RAPH1: variants seen among roughly 807,000 people sequenced by gnomAD.
The protein encoded by RAPH1 is Ras association (RalGDS/AF-6) and pleckstrin homology domains 1.
A neutral mutation model predicts 88.1 loss-of-function variants in RAPH1; 18 were observed. The observed-to-expected ratio is 0.20, with a 90% CI of 0.14 to 0.30. The LOEUF (loss-of-function observed/expected upper bound fraction) is 0.30. Among genes scored for constraint, RAPH1 ranks in the 10% least tolerant of loss-of-function variants. The probability of loss-of-function intolerance (pLI) is 1.00; values close to 1 mark genes in which losing one functional copy is unlikely to be tolerated. For synonymous variants in RAPH1, 587 were observed against 559.0 expected, an observed-to-expected ratio of 1.05 and a Z score of -0.71; for missense variants, 1,448 against 1,543.2, an observed-to-expected ratio of 0.94 and a Z score of 1.03.
chr2:203,484,894 C>T (rs529038891), intron 4 of RAPH1, among the ~76,000 whole-genome samples: 2 of 152,334 alleles, frequency 1.3e-5, no homozygotes, highest in South Asian at 2.1e-4. Context: ...TAAAAAGAGA[C>T]ATGCCATCTT....
intron 5 of RAPH1, 60 bp downstream of exon 5, chr2:203,461,788 C>G: frequency 7.8e-7 from 1 of 1,278,976 alleles, no homozygotes; most frequent in South Asian, 1.4e-5. Context: ...CAAGGCAATT[C>G]TTCACAAATC....
intron 1 of RAPH1, among the ~76,000 whole-genome samples, chr2:203,502,322 T>A (rs1639755267): frequency 6.6e-6 from 1 of 152,174 alleles, no homozygotes; most frequent in Admixed American, 6.5e-5. Context: ...GAAAGATGAT[T>A]TACACCCTTA....
rs193104498 is a variant in RAPH1, at chr2:203,499,739, T to G, written c.1-4386A>C. Among the ~76,000 whole-genome samples the G allele has an allele frequency of 2.8e-3, 429 of 152,160 alleles. 1 individual carries two copies. The highest frequency in any genetic ancestry group is 9.6e-3 in the African/African-American group (397 of 41,532). ...GAAAAAAAAAACTTAAGAAACTTAC[T>G]CAGAGACTTTCCAAAAAAAACTTAG... On this transcript the variant is annotated intron_variant, in intron 1 of 13. Coordinates refer to ENST00000319170, the MANE Select transcript of RAPH1 (RefSeq NM_213589.3).
rs778931952 is a variant in RAPH1, at chr2:203,455,597, A to AT, written c.1159-18dup. The AT allele has an allele frequency of 1.2e-6, 2 of 1,609,848 alleles. No individual in the cohort carries two copies. Among genetic ancestry groups the AT allele is most frequent in the Non-Finnish European group, 1.7e-6 (2 of 1,177,630 alleles). On this transcript the variant is annotated splice_polypyrimidine_tract_variant and intron_variant, in intron 8 of 13. Transcript: ENST00000319170. ...AAAACATTCCTAAAATAACAAGATT[A>AT]TTTGCAAAGACTTATGATCGTTGGA...
At position 203,444,478 on chromosome 2, in the gene RAPH1, A is replaced by T. The variant is rs562070835; in HGVS notation, c.1776+390T>A. The T allele has an allele frequency of 2.9e-3, 580 of 196,738 alleles. 3 individuals are homozygous for T. The highest frequency in any genetic ancestry group is 4.1e-3 in the Non-Finnish European group (406 of 98,796). 12.2% of individuals were successfully genotyped at this position (196,738 alleles called of 1,614,324 possible). A position where few individuals can be genotyped will look rare whatever the true frequency, so the allele number is the denominator to read the frequency against. ...AGAAGAAAAAAAGACAGGAAAGAAG[A>T]GAGAGAACTGTAAACAGCTTCTCTA... is the stretch of plus-strand genomic sequence containing the variant. On this transcript the variant is annotated intron_variant, in intron 13 of 13. Transcript: ENST00000319170.
Position 203,444,960 on chromosome 2 carries a change from G to A in RAPH1, c.1684C>T (p.Gln562Ter), listed in dbSNP as rs1216827165. 1 of 1,614,116 alleles carries A rather than the reference G, an allele frequency of 6.2e-7. No individual in the cohort carries two copies. Among genetic ancestry groups the A allele is most frequent in the Non-Finnish European group, 8.5e-7 (1 of 1,179,972 alleles). Reference sequence around the variant, plus strand: ...TGGGAACGGACGTGTCCTGCTGGCTGGGTGTCAGAAACTCCGCTATCAGAC... The same window carrying A: ...TGGGAACGGACGTGTCCTGCTGGCTAGGTGTCAGAAACTCCGCTATCAGAC... ...NQSDSGVSDT[Q>*]PAGHVRSQSI... The change falls in exon 13 of 14, where the codon CAG becomes TAG. Residue 562 changes from glutamine (Q) to a stop codon, truncating the protein, a stop_gained. Transcript: ENST00000319170. LOFTEE classifies it high-confidence loss of function.
Position 203,434,786 on chromosome 2 carries a change from T to G in RAPH1, c.*4651A>C, listed in dbSNP as rs376158317. 15 of 152,604 alleles carry G rather than the reference T, an allele frequency of 9.8e-5. No homozygotes were observed. In the East Asian group the frequency reaches 2.7e-3, roughly 28 times the overall value. 9.5% of individuals were successfully genotyped at this position (152,604 alleles called of 1,614,324 possible). The stretch of plus-strand genomic sequence containing the variant: ...ATGATAAACATAATTAATTCTCAAC[T>G]TAACCATCTATAAAATATGTAGTGT... On this transcript the variant is annotated 3_prime_UTR_variant, in exon 14 of 14. Coordinates refer to ENST00000319170, the MANE Select transcript of RAPH1 (RefSeq NM_213589.3).
At chr2:203,467,486 C>T (rs1042508534) in intron 4 of RAPH1, among the ~76,000 whole-genome samples, 4 of 151,828 alleles carry the variant, frequency 2.6e-5, no homozygotes, top group African/African-American at 4.8e-5. Flanking sequence ...GTAATCCCAG[C>T]TACTCAGGAG....
chr2:203,506,675 T>C (rs1354368639), intron 1 of RAPH1, among the ~76,000 whole-genome samples: 2 of 148,020 alleles, frequency 1.4e-5, no homozygotes, highest in African/African-American at 5.0e-5. Context: ...AAAAGTTAAA[T>C]ACTGAAATAA....
rs1214690486 is a variant in RAPH1 at position 203,436,531 on chromosome 2, C to G, written c.*2906G>C. 6.6e-6 allele frequency: 1 copy of G among 152,202 alleles called. No individual in the cohort carries two copies. The highest frequency in any genetic ancestry group is 2.4e-5 in the African/African-American group (1 of 41,456). 9.4% of individuals were successfully genotyped at this position (152,202 alleles called of 1,614,324 possible). On this transcript the variant is annotated 3_prime_UTR_variant, in exon 14 of 14. Transcript: ENST00000319170. ...ACAGCATTGGTGCCAAAACTCTAAG[C>G]ATAGAGTGATTCTACTTTGAAATTA...
chr2:203,493,971 CAAAAAAAAAAAAAAA>C (rs397937732), intron 2 of RAPH1, among the ~76,000 whole-genome samples: 4 of 18,964 alleles, frequency 2.1e-4, no homozygotes, highest in South Asian at 2.8e-3. Context: ...GACTCTATCT[CAAAAAAAAAAAAAAA>C]AAAAAAAAAA....
intron 12 of RAPH1, chr2:203,446,929 A>T (rs1169213892): frequency 2.0e-5 from 3 of 146,634 alleles, no homozygotes; most frequent in Non-Finnish European, 3.0e-5. Flanking sequence ...AAAAAAAAAA[A>T]GTTGTGGAGA....
chr2:203,506,776 A>G (rs1469507254), intron 1 of RAPH1, among the ~76,000 whole-genome samples: 30 of 122,418 alleles, frequency 2.5e-4, no homozygotes, highest in Admixed American at 1.0e-3. Context: ...ATATCTATAT[A>G]TATCTAGATA....
At chr2:203,460,147 C>G (rs1476892279) in intron 6 of RAPH1, 119 bp from the exon 7 acceptor site, 1 of 819,912 alleles carries the variant, frequency 1.2e-6, no homozygotes, top group Admixed American at 3.1e-5. Context: ...ATTTTAGCAC[C>G]TAAAAATTAT....
intron 1 of RAPH1, among the ~76,000 whole-genome samples, chr2:203,534,609 T>C (rs1346004085): frequency 1.4e-5 from 2 of 143,814 alleles, no homozygotes; most frequent in East Asian, 4.2e-4. Context: ...AAGCAATTAC[T>C]TATCCTGTTT....
intron 1 of RAPH1, among the ~76,000 whole-genome samples, chr2:203,499,029 T>C (rs528073168): frequency 6.6e-6 from 1 of 152,350 alleles, no homozygotes; most frequent in African/African-American, 2.4e-5. Context: ...TGGAGTAGAC[T>C]ATACCACCTG....
chr2:203,481,844 C>T lies in RAPH1; in HGVS notation c.732+7740G>A, dbSNP rs188447543. On this transcript the variant is annotated intron_variant, in intron 4 of 13. Transcript: ENST00000319170. ...CTCGAACTTCTGACTTCAAACGATC[C>T]GCCCACCTCGGCCTCCCAAAGTATT... is the stretch of plus-strand genomic sequence containing the variant. Among the ~76,000 whole-genome samples the T allele has an allele frequency of 3.2e-4, 49 of 150,786 alleles. 1 individual carries two copies. The highest frequency in any genetic ancestry group is 3.4e-3 in the Middle Eastern group (1 of 290).
At chr2:203,513,628 G>GAA (rs1283634879) in intron 1 of RAPH1, among the ~76,000 whole-genome samples, 1 of 147,138 alleles carries the variant, frequency 6.8e-6, no homozygotes, top group African/African-American at 2.6e-5. Flanking sequence ...TTGAGGTCAG[G>GAA]AGTTCGAGAC....
intron 1 of RAPH1, among the ~76,000 whole-genome samples, chr2:203,504,583 G>C (rs1688895583): frequency 6.6e-6 from 1 of 152,018 alleles, no homozygotes; most frequent in South Asian, 2.1e-4. Flanking sequence ...CTCTGACATG[G>C]CCTGGAGACA....
Sources: gnomAD v4.1 joint callset for allele counts (sites outside exome capture counted in the v4.1 genomes callset) on GRCh38, gnomAD v4.1.1 for gene constraint, MANE v1.5 for transcripts, NCBI Gene and HGNC (gene_info 2026-07-23, HGNC 2026-07-21) for gene names.